Variants in EMX1 observed in about 807,000 individuals in gnomAD.
The protein encoded by EMX1 is homeobox protein EMX1.
EMX1 carries 10 observed loss-of-function variants against 20.1 expected under a neutral mutation model. The ratio of observed to expected loss-of-function variants is 0.50; its 90% CI spans 0.31 to 0.84. The LOEUF (loss-of-function observed/expected upper bound fraction) is 0.84, where lower values mean the gene tolerates loss of function less well. Among genes scored for constraint, EMX1 ranks in the 40% least tolerant of loss-of-function variants. EMX1 has a pLI of 0.05. For synonymous variants in EMX1, 250 were observed against 200.4 expected, an observed-to-expected ratio of 1.25 and a Z score of -2.09; for missense variants, 424 against 431.9, an observed-to-expected ratio of 0.98 and a Z score of 0.16.
intron 2 of EMX1, chr2:72,926,049 G>T: frequency 1.8e-5 from 18 of 984,990 alleles, no homozygotes; most frequent in Non-Finnish European, 2.2e-5. Flanking sequence ...CAAGGTGTCA[G>T]TTTAAGAATG....
chr2:72,925,892 C>T (rs1297551246), intron 2 of EMX1: 20 of 985,290 alleles, frequency 2.0e-5, no homozygotes, highest in Non-Finnish European at 2.3e-5. Context: ...GATGTACTAG[C>T]TGGGCTGTTC....
chr2:72,932,383 C>A (rs1258615491), intron 2 of EMX1, among the ~76,000 whole-genome samples: 2 of 152,224 alleles, frequency 1.3e-5, no homozygotes, highest in African/African-American at 4.8e-5. Flanking sequence ...AACATTTCCT[C>A]TATGCATGAA....
intron 2 of EMX1, chr2:72,925,807 G>A: frequency 1.0e-6 from 1 of 985,374 alleles, no homozygotes; most frequent in African/African-American, 1.7e-5. Context: ...GGCATCTATT[G>A]TCGTCATATC....
At chr2:72,925,669 T>A (rs1283030147) in intron 2 of EMX1, 1 of 1,166,712 alleles carries the variant, frequency 8.6e-7, no homozygotes, top group Non-Finnish European at 1.1e-6. Context: ...ATGCCCGGCA[T>A]GGGGGGCAGC....
At chr2:72,919,341 G>T (rs1390216792) in intron 1 of EMX1, among the ~76,000 whole-genome samples, 1 of 151,880 alleles carries the variant, frequency 6.6e-6, no homozygotes, top group Non-Finnish European at 1.5e-5. Flanking sequence ...ATTTTAAAGA[G>T]TGGCCTTGAT....
Position 72,924,298 on chromosome 2 carries a change from C to G in EMX1, c.521-11C>G, listed in dbSNP as rs756243492. 2 of 1,556,004 alleles carry G rather than the reference C, an allele frequency of 1.3e-6. No individual in the cohort carries two copies. Among genetic ancestry groups the G allele is most frequent in the East Asian group, 2.3e-5 (1 of 42,796 alleles). ...TACCTGCGTGTGTTGCCGTCGGCGG[C>G]GGGGCCGCAGCCAGCGACGTGCCCC... On this transcript the variant is annotated splice_polypyrimidine_tract_variant and intron_variant, in intron 1 of 2. Coordinates refer to ENST00000258106, the MANE Select transcript of EMX1 (RefSeq NM_004097.3).
At chr2:72,916,992 T>G (rs1178361222), upstream of EMX1, 1 of 706,378 alleles carries the variant, frequency 1.4e-6, no homozygotes, top group East Asian at 2.7e-5. Flanking sequence ...CTGTCCCCCG[T>G]GACATCCAGA....
chr2:72,919,640 A>AT (rs1351561436), intron 1 of EMX1, among the ~76,000 whole-genome samples: 3 of 152,124 alleles, frequency 2.0e-5, no homozygotes, highest in South Asian at 2.1e-4. Flanking sequence ...TTGTCAGGCA[A>AT]TTTTTTCAGT....
chr2:72,916,910 G>A (rs559786187), upstream of EMX1: 8 of 717,250 alleles, frequency 1.1e-5, 1 homozygote, highest in South Asian at 1.0e-4. Flanking sequence ...CAGTGGGACC[G>A]CTCCGGCGGC....
chr2:72,927,216 C>CT (rs1157203310), intron 2 of EMX1, among the ~76,000 whole-genome samples: 1 of 152,188 alleles, frequency 6.6e-6, no homozygotes, highest in African/African-American at 2.4e-5. Context: ...TCTATTTTAC[C>CT]TTCTGTGTTT....
upstream of EMX1, chr2:72,916,500 A>G (rs1288924165): frequency 5.1e-6 from 3 of 592,708 alleles, no homozygotes; most frequent in East Asian, 8.4e-5. Context: ...GTGGGGTGGG[A>G]AAGTTTGGGG....
chr2:72,916,542 T>C, upstream of EMX1: 1 of 608,504 alleles, frequency 1.6e-6, no homozygotes, highest in Non-Finnish European at 2.9e-6. Context: ...TCGTGAGAAC[T>C]GCCCCCGGGG....
chr2:72,918,042 G>A lies in EMX1; in HGVS notation c.190G>A (p.Ala64Thr). The A allele has an allele frequency of 7.0e-6, 10 of 1,419,912 alleles. No individual in the cohort carries two copies. The highest frequency in any genetic ancestry group is 9.1e-6 in the Non-Finnish European group (10 of 1,096,242). The allele number at this position is 1,419,912 out of a possible 1,614,324, so 88.0% of individuals were successfully genotyped here. A position where few individuals can be genotyped will look rare whatever the true frequency, so the allele number is the denominator to read the frequency against. Reference protein sequence around the residue: ...GTGGGTGGGGAGSHLLAAAAS... With the variant: ...GTGGGTGGGGTGSHLLAAAAS... ...CGGCGGGGGCACTGGCGGCGGGGGC[G>A]CGGGCTCCCATCTCCTGGCGGCGGC... The change falls in exon 1 of 3, where the codon GCG (alanine) becomes ACG (threonine). Residue 64 changes from alanine (A) to threonine (T), a missense_variant. Ala to Thr is a moderately conservative substitution (Grantham distance 58, BLOSUM62 0). Transcript: ENST00000258106.
intron 2 of EMX1, among the ~76,000 whole-genome samples, chr2:72,931,902 G>A (rs1263080808): frequency 6.6e-6 from 1 of 152,252 alleles, no homozygotes; most frequent in Non-Finnish European, 1.5e-5. Context: ...GTTCTGGCAA[G>A]AGGGGACTGT....
intron 2 of EMX1, among the ~76,000 whole-genome samples, chr2:72,928,406 C>T (rs2105269430): frequency 6.6e-6 from 1 of 152,282 alleles, no homozygotes; most frequent in East Asian, 1.9e-4. Context: ...GATTGATGCC[C>T]AAAGGTCAGA....
At chr2:72,933,709 G>A (rs771934357) in intron 2 of EMX1, 78 bp from the exon 3 acceptor site, 28 of 1,559,690 alleles carry the variant, frequency 1.8e-5, no homozygotes, top group Non-Finnish European at 2.4e-5. Context: ...TCTCAGCTCA[G>A]CCTGAGTGTT....
In EMX1 at chr2:72,933,439, C is replaced by A. The variant is rs922327706; in HGVS notation, c.706-348C>A. The A allele has an allele frequency of 2.2e-5, 6 of 268,174 alleles. 1 individual carries two copies. The highest frequency in any genetic ancestry group is 8.8e-5 in the African/African-American group (4 of 45,468). 16.6% of individuals were successfully genotyped at this position (268,174 alleles called of 1,614,324 possible). ...TCTCTCCTCTAGAAACTCGTAGAGTCCCATGTCTGCCGGCTTCCAGAGCCT... is the reference window on the plus strand; with the variant it reads ...TCTCTCCTCTAGAAACTCGTAGAGTACCATGTCTGCCGGCTTCCAGAGCCT... On this transcript the variant is annotated intron_variant, in intron 2 of 2. Coordinates refer to ENST00000258106, the MANE Select transcript of EMX1 (RefSeq NM_004097.3).
In EMX1 at chr2:72,933,994, G is replaced by C. The variant is rs758008572; in HGVS notation, c.*40G>C. On this transcript the variant is annotated 3_prime_UTR_variant, in exon 3 of 3. Coordinates refer to ENST00000258106, the MANE Select transcript of EMX1 (RefSeq NM_004097.3). ...AACCCACGAGGGCAGAGTGCTGCTT[G>C]CTGCTGGCCAGGCCCCTGCGTGGGC... The C allele has an allele frequency of 1.1e-5, 18 of 1,611,970 alleles. No homozygotes were observed. The highest frequency in any genetic ancestry group is 1.5e-5 in the Non-Finnish European group (18 of 1,178,872).
rs918570725 is a variant in EMX1, at chr2:72,918,286, A to C, written c.434A>C (p.His145Pro). 1.9e-6 allele frequency: 3 copies of C among 1,574,046 alleles called. No individual in the cohort carries two copies. In the African/African-American group the frequency reaches 4.2e-5, roughly 22 times the overall value. ...GGCGCCTCCCCGCTGCAGCCCCCGC[A>C]CTCCTTCTTCGGCGCCCAGCACCGG... ...QLGASPLQPP[H>P]SFFGAQHRDP... is the part of the protein sequence containing the mutation. Residue 145 changes from histidine (H) to proline (P), a missense_variant, in exon 1 of 3, where the codon CAC becomes CCC. By Grantham distance (77) the His-to-Pro change is moderately conservative. This residue lies in a region of EMX1 where 333 missense variants were observed against 296.6 expected (regional missense o/e 1.12). Transcript: ENST00000258106.
Sources: gnomAD v4.1 joint callset for allele counts (sites outside exome capture counted in the v4.1 genomes callset) on GRCh38, gnomAD v4.1.1 for gene constraint, gnomAD v4.1.1 regional missense constraint, MANE v1.5 for transcripts, NCBI Gene and HGNC (gene_info 2026-07-23, HGNC 2026-07-21) for gene names.